The following MDGA2 variants were observed in gnomAD, a reference collection of about 807,000 sequenced individuals.
MDGA2 encodes the protein MAM domain containing glycosylphosphatidylinositol anchor 2, also known as MAM domain-containing glycosylphosphatidylinositol anchor protein 2.
A neutral mutation model predicts 117.8 loss-of-function variants in MDGA2; 40 were observed. The observed-to-expected ratio is 0.34, with a 90% CI of 0.26 to 0.44. The LOEUF (loss-of-function observed/expected upper bound fraction) is 0.44. MDGA2 is among the 20% of genes least tolerant of loss of function. The pLI is 1.00. For synonymous variants in MDGA2, 452 were observed against 439.0 expected, an observed-to-expected ratio of 1.03 and a Z score of -0.37; for missense variants, 1,123 against 1,250.6, an observed-to-expected ratio of 0.90 and a Z score of 1.54.
At chr14:47,174,110 T>C (rs1418119448) in intron 3 of MDGA2, among the ~76,000 whole-genome samples, 2 of 152,126 alleles carry the variant, frequency 1.3e-5, no homozygotes, top group African/African-American at 2.4e-5. Flanking sequence ...ATCCTAAATA[T>C]ATATGCACCC....
At chr14:46,933,177 A>G (rs1884643286) in intron 9 of MDGA2, among the ~76,000 whole-genome samples, 1 of 151,950 alleles carries the variant, frequency 6.6e-6, no homozygotes, top group Admixed American at 6.6e-5. Flanking sequence ...CCATTGTAAA[A>G]TTTCTCCCCC....
intron 1 of MDGA2, among the ~76,000 whole-genome samples, chr14:47,658,999 A>C (rs1479486260): frequency 6.6e-6 from 1 of 152,128 alleles, no homozygotes; most frequent in Non-Finnish European, 1.5e-5. Context: ...ATCACTCTCT[A>C]ATAAACCACC....
chr14:47,095,316 T>A (rs1879897754), intron 6 of MDGA2, among the ~76,000 whole-genome samples: 1 of 152,060 alleles, frequency 6.6e-6, no homozygotes, highest in Non-Finnish European at 1.5e-5. Flanking sequence ...TATTTCTCCA[T>A]AATTTGGAAT....
chr14:47,222,430 G>C (rs771677308), intron 2 of MDGA2, among the ~76,000 whole-genome samples: 4 of 152,080 alleles, frequency 2.6e-5, no homozygotes, highest in Non-Finnish European at 2.9e-5. Flanking sequence ...AAAGTACAGA[G>C]CCACTAAAGA....
chr14:47,299,720 T>G (rs917402940), intron 2 of MDGA2, among the ~76,000 whole-genome samples: 1 of 152,188 alleles, frequency 6.6e-6, no homozygotes, highest in African/African-American at 2.4e-5. Context: ...TTGTTTCAAT[T>G]TTTAACAATT....
chr14:47,190,699 TC>T (rs1885077524), intron 3 of MDGA2, among the ~76,000 whole-genome samples: 1 of 152,202 alleles, frequency 6.6e-6, no homozygotes, highest in Non-Finnish European at 1.5e-5. Flanking sequence ...TATTTTTCTT[TC>T]CTCTCTTAAT....
chr14:47,189,553 C>G (rs1885034772), intron 3 of MDGA2, among the ~76,000 whole-genome samples: 1 of 152,082 alleles, frequency 6.6e-6, no homozygotes, highest in Non-Finnish European at 1.5e-5. Flanking sequence ...TATTCTGAAT[C>G]CATTTACTTT....
chr14:47,022,290 G>A (rs200206577), intron 8 of MDGA2, among the ~76,000 whole-genome samples: 1 of 152,110 alleles, frequency 6.6e-6, no homozygotes, highest in East Asian at 1.9e-4. Flanking sequence ...TGTTTCCCGG[G>A]CTTGTCTCGA....
At chr14:47,601,681 C>G (rs370658290) in intron 1 of MDGA2, among the ~76,000 whole-genome samples, 130 of 152,102 alleles carry the variant, frequency 8.5e-4, no homozygotes, top group African/African-American at 3.1e-3. Context: ...AAATGTTGTT[C>G]CTAAAAAATG....
At chr14:47,126,417 G>A (rs1178958237) in intron 5 of MDGA2, among the ~76,000 whole-genome samples, 3 of 152,090 alleles carry the variant, frequency 2.0e-5, no homozygotes, top group Admixed American at 2.0e-4. Context: ...TAGATTAGGT[G>A]TGATACATAA....
chr14:47,015,776 T>G (rs1378664529), intron 8 of MDGA2, among the ~76,000 whole-genome samples: 1 of 152,016 alleles, frequency 6.6e-6, no homozygotes, highest in Non-Finnish European at 1.5e-5. Flanking sequence ...ATGTAACATA[T>G]GCTTCCAAAT....
intron 5 of MDGA2, among the ~76,000 whole-genome samples, chr14:47,128,370 T>C (rs866734527): frequency 1.3e-5 from 2 of 152,122 alleles, no homozygotes; most frequent in South Asian, 4.1e-4. Flanking sequence ...TAATAATATA[T>C]ACTAGTGTTT....
chr14:47,049,864 G>C (rs906574233), intron 7 of MDGA2, among the ~76,000 whole-genome samples: 13 of 151,812 alleles, frequency 8.6e-5, no homozygotes, highest in African/African-American at 3.1e-4. Flanking sequence ...ACTTGGAGAG[G>C]ATTCCACTGT....
At chr14:47,257,265 C>A (rs1231930365) in intron 2 of MDGA2, among the ~76,000 whole-genome samples, 1 of 152,170 alleles carries the variant, frequency 6.6e-6, no homozygotes, top group African/African-American at 2.4e-5. Context: ...CACCAGTCCT[C>A]TCACAATGAC....
At chr14:47,486,907 C>A (rs570415628) in intron 1 of MDGA2, among the ~76,000 whole-genome samples, 9 of 152,232 alleles carry the variant, frequency 5.9e-5, no homozygotes, top group African/African-American at 1.9e-4. Flanking sequence ...ATGTCTTTAG[C>A]AGCAGCGTGA....
At position 46,842,075 on chromosome 14, in the gene MDGA2, G is replaced by C. The variant is rs750656387; in HGVS notation, c.2990-56C>G. The C allele has an allele frequency of 9.7e-6, 11 of 1,139,158 alleles. No homozygotes were observed. In the Admixed American group the frequency reaches 1.4e-4, roughly 15 times the overall value. The allele number at this position is 1,139,158 out of a possible 1,614,324, so 70.6% of individuals were successfully genotyped here. On this transcript the variant is annotated intron_variant, in intron 16 of 16. Coordinates refer to ENST00000399232, the MANE Select transcript of MDGA2 (RefSeq NM_001113498.3). ...AAAAGAAGAATAATAAGCATTCCAC[G>C]TAGCTACTAACACAACCTTGGTGAA... is the stretch of plus-strand genomic sequence containing the variant.
At position 47,216,242 on chromosome 14, in the gene MDGA2, C is replaced by G. The variant is rs188433223; in HGVS notation, c.595+1779G>C. Among the ~76,000 whole-genome samples the G allele has an allele frequency of 3.7e-3, 567 of 152,066 alleles. 8 individuals carry two copies. Among genetic ancestry groups the G allele is most frequent in the African/African-American group, 0.013 (542 of 41,498 alleles). On this transcript the variant is annotated intron_variant, in intron 3 of 16. Coordinates refer to ENST00000399232, the MANE Select transcript of MDGA2 (RefSeq NM_001113498.3). ...CCCGCTTTATATTTAACTTGTTAACCCAGCAATAAGATTTTTAAATTATCA... is the reference window on the plus strand; with the variant it reads ...CCCGCTTTATATTTAACTTGTTAACGCAGCAATAAGATTTTTAAATTATCA...
chr14:47,166,654 C>T (rs572342808), intron 3 of MDGA2, among the ~76,000 whole-genome samples: 88 of 152,142 alleles, frequency 5.8e-4, no homozygotes, highest in Non-Finnish European at 9.8e-4. Flanking sequence ...CAGCTCTAGA[C>T]TTCTAGTCTA....
chr14:47,168,201 A>G (rs894187254), intron 3 of MDGA2, among the ~76,000 whole-genome samples: 3 of 151,700 alleles, frequency 2.0e-5, no homozygotes, highest in African/African-American at 7.3e-5. Flanking sequence ...TATTTTTTAA[A>G]AAGAAAAAAA....
Sources: allele counts gnomAD v4.1 joint callset (sites outside exome capture counted in the v4.1 genomes callset), GRCh38; gene constraint gnomAD v4.1.1; transcripts MANE v1.5; gene names NCBI Gene and HGNC (gene_info 2026-07-23, HGNC 2026-07-21).